Variants in PDE7B observed in about 807,000 individuals in gnomAD.
PDE7B encodes the protein phosphodiesterase 7B.
A neutral mutation model predicts 56.2 loss-of-function variants in PDE7B; 29 were observed. That is an observed-to-expected ratio of 0.52 (90% CI 0.38 to 0.70). The LOEUF is 0.70. Among genes scored for constraint, PDE7B ranks in the 30% least tolerant of loss-of-function variants. PDE7B has a pLI of 0.00. For synonymous variants in PDE7B, 197 were observed against 196.9 expected, an observed-to-expected ratio of 1.00 and a Z score of 0.00; for missense variants, 490 against 565.0, an observed-to-expected ratio of 0.87 and a Z score of 1.35.
chr6:135,884,635 T>A (rs1163992945), intron 1 of PDE7B, among the ~76,000 whole-genome samples: 1 of 152,198 alleles, frequency 6.6e-6, no homozygotes, highest in Non-Finnish European at 1.5e-5. Flanking sequence ...GCATTGACAG[T>A]CAGTAGTATT....
intron 2 of PDE7B, among the ~76,000 whole-genome samples, chr6:135,968,262 T>A (rs145971387): frequency 3.3e-5 from 5 of 152,224 alleles, no homozygotes; most frequent in African/African-American, 1.2e-4. Context: ...GATTTCATGA[T>A]GAAAATGTCA....
intron 1 of PDE7B, among the ~76,000 whole-genome samples, chr6:135,944,135 C>A (rs1180319619): frequency 1.3e-5 from 2 of 152,154 alleles, no homozygotes; most frequent in Admixed American, 6.5e-5. Flanking sequence ...AAGTCAGGGT[C>A]ACCTGGCAGC....
chr6:136,015,587 A>T (rs1024672209), intron 2 of PDE7B, among the ~76,000 whole-genome samples: 5 of 152,208 alleles, frequency 3.3e-5, no homozygotes, highest in Non-Finnish European at 7.3e-5. Context: ...ACCACACAAT[A>T]CATGAAGTTA....
At chr6:136,128,555 ACC>A (rs971526344) in intron 3 of PDE7B, among the ~76,000 whole-genome samples, 4 of 150,068 alleles carry the variant, frequency 2.7e-5, no homozygotes, top group African/African-American at 9.8e-5. Flanking sequence ...GAGAACTGGG[ACC>A]CCCCCACCCC....
intron 1 of PDE7B, among the ~76,000 whole-genome samples, chr6:135,888,081 T>G (rs1379065203): frequency 6.6e-6 from 1 of 152,188 alleles, no homozygotes; most frequent in African/African-American, 2.4e-5. Context: ...TAACAAATTC[T>G]TACTACCTGT....
chr6:136,168,723 G>A (rs990144796), intron 8 of PDE7B, among the ~76,000 whole-genome samples: 1 of 152,162 alleles, frequency 6.6e-6, no homozygotes, highest in Non-Finnish European at 1.5e-5. Flanking sequence ...GATGAGGGTT[G>A]AGAGTGAACA....
At chr6:136,164,084 C>A (rs1289474682) in intron 8 of PDE7B, among the ~76,000 whole-genome samples, 1 of 152,162 alleles carries the variant, frequency 6.6e-6, no homozygotes, top group Admixed American at 6.5e-5. Flanking sequence ...AGTCCATTCT[C>A]ATGTTGCTAT....
chr6:135,960,792 C>G (rs1454301993), intron 2 of PDE7B, among the ~76,000 whole-genome samples: 1 of 152,188 alleles, frequency 6.6e-6, no homozygotes, highest in Non-Finnish European at 1.5e-5. Flanking sequence ...TCACCATTCC[C>G]TAATTTTGAA....
intron 2 of PDE7B, among the ~76,000 whole-genome samples, chr6:135,986,480 A>G (rs1002753195): frequency 6.6e-6 from 1 of 152,242 alleles, no homozygotes; most frequent in Admixed American, 6.5e-5. Context: ...TTAAGAATCT[A>G]CAGAACTGGA....
chr6:135,958,592 A>G (rs1218269134), intron 2 of PDE7B, among the ~76,000 whole-genome samples: 9 of 152,200 alleles, frequency 5.9e-5, no homozygotes, highest in South Asian at 2.1e-4. Flanking sequence ...TTCACAAAAT[A>G]TAGAAATTTT....
At chr6:135,996,934 T>C (rs1775575453) in intron 2 of PDE7B, among the ~76,000 whole-genome samples, 1 of 152,110 alleles carries the variant, frequency 6.6e-6, no homozygotes, top group Admixed American at 6.5e-5. Context: ...GTATAGTCCA[T>C]TGGAGATATG....
intron 2 of PDE7B, among the ~76,000 whole-genome samples, chr6:136,066,560 A>G (rs1776939798): frequency 6.6e-6 from 1 of 152,222 alleles, no homozygotes; most frequent in Non-Finnish European, 1.5e-5. Flanking sequence ...ATAGATGTTC[A>G]GCCCTTTCGC....
intron 1 of PDE7B, among the ~76,000 whole-genome samples, chr6:135,941,798 C>T (rs932671131): frequency 6.6e-6 from 1 of 152,294 alleles, no homozygotes; most frequent in Non-Finnish European, 1.5e-5. Context: ...AACCTCCAAG[C>T]ATCAAGGATT....
intron 1 of PDE7B, among the ~76,000 whole-genome samples, chr6:135,940,132 A>C (rs1165301164): frequency 6.6e-6 from 1 of 152,080 alleles, no homozygotes; most frequent in African/African-American, 2.4e-5. Flanking sequence ...CACCCCCAGC[A>C]GTTTTGCTCC....
chr6:135,884,095 T>C (rs543373642), intron 1 of PDE7B, among the ~76,000 whole-genome samples: 4 of 152,360 alleles, frequency 2.6e-5, no homozygotes, highest in East Asian at 1.9e-4. Context: ...ATTTGAATTA[T>C]AGCAGCTCAT....
chr6:136,190,946 G>A (rs1340832054), intron 12 of PDE7B, among the ~76,000 whole-genome samples: 1 of 147,606 alleles, frequency 6.8e-6, no homozygotes, highest in Non-Finnish European at 1.5e-5. Context: ...TTCGTGAGGT[G>A]TCCTTTTCTG....
intron 1 of PDE7B, among the ~76,000 whole-genome samples, chr6:135,887,711 C>A (rs1364010987): frequency 6.6e-6 from 1 of 152,116 alleles, no homozygotes; most frequent in Non-Finnish European, 1.5e-5. Context: ...CAAATCTACA[C>A]CCTCTCAATT....
chr6:136,183,664 T>G (rs554583254), intron 11 of PDE7B, among the ~76,000 whole-genome samples: 2 of 151,608 alleles, frequency 1.3e-5, no homozygotes, highest in Non-Finnish European at 2.9e-5. Flanking sequence ...CTGCCTGTCC[T>G]CCCTACTGAA....
At chr6:135,859,688 G>C (rs1163298165) in intron 1 of PDE7B, among the ~76,000 whole-genome samples, 1 of 151,750 alleles carries the variant, frequency 6.6e-6, no homozygotes, top group Non-Finnish European at 1.5e-5. Context: ...GCATGAGAGA[G>C]GCCCTTCTTA....
Sources: allele counts gnomAD v4.1 joint callset (sites outside exome capture counted in the v4.1 genomes callset), GRCh38; gene constraint gnomAD v4.1.1; transcripts MANE v1.5; gene names NCBI Gene and HGNC (gene_info 2026-07-23, HGNC 2026-07-21).